NSD3: variants seen among roughly 807,000 people sequenced by gnomAD.
NSD3 encodes nuclear receptor binding SET domain protein 3.
A neutral mutation model predicts 160.8 loss-of-function variants in NSD3; 24 were observed. The observed-to-expected ratio is 0.15, with a 90% CI of 0.11 to 0.21. NSD3 has a LOEUF of 0.21. NSD3 is among the 10% of genes least tolerant of loss of function. The probability of loss-of-function intolerance (pLI) is 1.00; values close to 1 mark genes in which losing one functional copy is unlikely to be tolerated. For synonymous variants in NSD3, 520 were observed against 600.0 expected (o/e 0.87, Z 1.95); for missense variants, 1,157 against 1,735.9 (o/e 0.67, Z 5.93).
intron 19 of NSD3, among the ~76,000 whole-genome samples, chr8:38,287,114 G>A (rs1251446267): frequency 6.6e-6 from 1 of 152,162 alleles, no homozygotes; most frequent in Non-Finnish European, 1.5e-5. Flanking sequence ...CACATGTACC[G>A]AATAACTGAA....
At chr8:38,327,748 A>G (rs1484222468) in intron 6 of NSD3, among the ~76,000 whole-genome samples, 2 of 152,220 alleles carry the variant, frequency 1.3e-5, no homozygotes, top group African/African-American at 4.8e-5. Context: ...TTAAGAGACA[A>G]GAATACCCCT....
chr8:38,330,631 A>G (rs745645679), intron 5 of NSD3, among the ~76,000 whole-genome samples: 3 of 152,238 alleles, frequency 2.0e-5, no homozygotes, highest in Non-Finnish European at 4.4e-5. Flanking sequence ...ATGAGATAGC[A>G]TATGTCAAAT....
chr8:38,345,226 AGAGAG>A (rs1220652296), intron 2 of NSD3, among the ~76,000 whole-genome samples: 1 of 146,044 alleles, frequency 6.8e-6, no homozygotes, highest in Non-Finnish European at 1.5e-5. Flanking sequence ...AGGGAGAGAG[AGAGAG>A]GAGAGAGGCA....
intron 19 of NSD3, among the ~76,000 whole-genome samples, chr8:38,283,474 T>A (rs1012092284): frequency 7.2e-6 from 1 of 139,702 alleles, no homozygotes; most frequent in Non-Finnish European, 1.5e-5. Flanking sequence ...GAACTGTTGG[T>A]AGTCCCTAGC....
Position 38,299,472 on chromosome 8 carries a change from C to T in NSD3, c.2730G>A (p.Ser910=), listed in dbSNP as rs763241267. The part of the protein sequence containing the change: ...ELMKLPMIPS[S]SASKKKCEKG... ...TCTCACATTTCTTTTTGGAAGCTGACGAAGAAGGAATCATAGGTAATTTCA... is the reference window on the plus strand; with the variant it reads ...TCTCACATTTCTTTTTGGAAGCTGATGAAGAAGGAATCATAGGTAATTTCA... Residue 910 remains serine, a synonymous_variant, in exon 15 of 24, where the codon TCG becomes TCA. Transcript: ENST00000317025. 4 of 1,612,034 alleles carry T rather than the reference C, an allele frequency of 2.5e-6. No individual in the cohort carries two copies. Among genetic ancestry groups the T allele is most frequent in the Non-Finnish European group, 2.5e-6 (3 of 1,179,278 alleles).
chr8:38,331,346 T>C (rs913048711), intron 5 of NSD3, 85 bp downstream of exon 5: 3 of 1,367,174 alleles, frequency 2.2e-6, no homozygotes, highest in Non-Finnish European at 2.9e-6. Context: ...CTAATAATTA[T>C]CTGAATTCAA....
intron 21 of NSD3, 100 bp downstream of exon 21, chr8:38,279,440 T>C (rs1808683732): frequency 7.4e-7 from 1 of 1,352,206 alleles, no homozygotes; most frequent in African/African-American, 1.5e-5. Context: ...CTTATTTAAA[T>C]AAGTTCTTGG....
At chr8:38,277,334 A>G (rs1446202286) in intron 22 of NSD3, among the ~76,000 whole-genome samples, 1 of 151,928 alleles carries the variant, frequency 6.6e-6, no homozygotes, top group Non-Finnish European at 1.5e-5. Context: ...TTGAAGTGCA[A>G]TGGCGCGACC....
In NSD3 at chr8:38,357,935, T is replaced by C. The variant is rs147463061; in HGVS notation, c.-44-9720A>G. Among the ~76,000 whole-genome samples, 198 of 152,282 alleles carry C rather than the reference T, an allele frequency of 1.3e-3. 3 individuals carry two copies. In the East Asian group the frequency reaches 0.032, roughly 24 times the overall value. On this transcript the variant is annotated intron_variant, in intron 1 of 23. Coordinates refer to ENST00000317025, the MANE Select transcript of NSD3 (RefSeq NM_023034.2). ...AAATGAGACTAACAACTTAGCTCAC[T>C]TAGATGTCACTGAGATTCTCTTTAG...
chr8:38,333,042 T>G (rs367584516), intron 4 of NSD3, among the ~76,000 whole-genome samples: 7 of 151,978 alleles, frequency 4.6e-5, no homozygotes, highest in African/African-American at 1.7e-4. Context: ...ATCCAAAGGG[T>G]TTTTGGGGGG....
intron 15 of NSD3, among the ~76,000 whole-genome samples, chr8:38,297,500 T>A (rs1809180462): frequency 6.6e-6 from 1 of 152,206 alleles, no homozygotes; most frequent in South Asian, 2.1e-4. Flanking sequence ...GAGCCCTCTA[T>A]GCAACTTTAT....
Position 38,321,192 on chromosome 8 carries a change from C to T in NSD3, c.1709-20G>A. On this transcript the variant is annotated intron_variant, in intron 7 of 23. Transcript: ENST00000317025. This position sits in a 1 kb window ranked among gnomAD's most constrained non-coding sequence, Gnocchi z 4.7. ...CTGAGCCTAAGAAATGATTTAAACA[C>T]ACAAACAAAAACTCACTTAAGGATA... 1 of 1,599,750 alleles carries T rather than the reference C, an allele frequency of 6.3e-7. No homozygotes were observed. Among genetic ancestry groups the T allele is most frequent in the East Asian group, 2.2e-5 (1 of 44,612 alleles).
chr8:38,320,937 C>A, intron 8 of NSD3, 135 bp downstream of exon 8: 4 of 735,124 alleles, frequency 5.4e-6, no homozygotes, highest in Non-Finnish European at 8.7e-6. Flanking sequence ...CTGGAACCCA[C>A]CAGGACAGAA....
chr8:38,308,125 A>G (rs1409539219), intron 12 of NSD3, among the ~76,000 whole-genome samples: 1 of 152,218 alleles, frequency 6.6e-6, no homozygotes, highest in Admixed American at 6.5e-5. Flanking sequence ...AGGAAAAAAT[A>G]TAAGGGATAG....
intron 13 of NSD3, 88 bp downstream of exon 13, chr8:38,305,160 C>A (rs1356326057): frequency 3.7e-6 from 5 of 1,342,378 alleles, no homozygotes; most frequent in Non-Finnish European, 4.1e-6. Context: ...AGAAGAATGC[C>A]TTATGTTGTT....
chr8:38,355,326 C>T (rs533767289), intron 1 of NSD3, among the ~76,000 whole-genome samples: 2 of 152,036 alleles, frequency 1.3e-5, no homozygotes, highest in South Asian at 4.1e-4. Flanking sequence ...TAAGACAGTG[C>T]CTGGCATACA....
chr8:38,296,627 T>C (rs1809151633), intron 15 of NSD3, among the ~76,000 whole-genome samples: 1 of 151,994 alleles, frequency 6.6e-6, no homozygotes, highest in Admixed American at 6.6e-5. Flanking sequence ...TAATTTCAAA[T>C]ATTTTATCAA....
chr8:38,373,412 T>C (rs1323904910), intron 1 of NSD3, among the ~76,000 whole-genome samples: 1 of 152,180 alleles, frequency 6.6e-6, no homozygotes, highest in Admixed American at 6.5e-5. Flanking sequence ...TCCTAATTAT[T>C]TGTTTATACT....
rs1809731149 is a variant in NSD3 at position 38,318,837 on chromosome 8, T to C, written c.1855+58A>G. The C allele has an allele frequency of 2.0e-6, 3 of 1,501,950 alleles. No individual in the cohort carries two copies. Among genetic ancestry groups the C allele is most frequent in the Non-Finnish European group, 2.8e-6 (3 of 1,088,964 alleles). The allele number at this position is 1,501,950 out of a possible 1,614,324, so 93.0% of individuals were successfully genotyped here. ...ACAAAAATACATGAAGTACAAATAA[T>C]TCTTAAAAATTGGTTTTAATCAAGG... On this transcript the variant is annotated intron_variant, in intron 9 of 23. Transcript: ENST00000317025. This position sits in a 1 kb window ranked among gnomAD's most constrained non-coding sequence, Gnocchi z 5.3.
Sources: allele counts gnomAD v4.1 joint callset (sites outside exome capture counted in the v4.1 genomes callset), GRCh38; gene constraint gnomAD v4.1.1; non-coding constraint Gnocchi (gnomAD v3.1); transcripts MANE v1.5; gene names NCBI Gene and HGNC (gene_info 2026-07-23, HGNC 2026-07-21).